OTUD7B: variants seen among roughly 807,000 people sequenced by gnomAD.
OTUD7B encodes OTU deubiquitinase 7B, also known as OTU domain-containing protein 7B.
OTUD7B carries 34 observed loss-of-function variants against 82.2 expected under a neutral mutation model. The observed-to-expected ratio is 0.41, with a 90% CI of 0.31 to 0.55. The LOEUF is 0.55. OTUD7B is among the 20% of genes least tolerant of loss of function. The probability of loss-of-function intolerance (pLI) is 0.20; values close to 1 mark genes in which losing one functional copy is unlikely to be tolerated. For missense variants in OTUD7B, 944 were observed against 1,062.1 expected (o/e 0.89, Z 1.55); for synonymous variants, 398 against 402.7 (o/e 0.99, Z 0.14).
intron 7 of OTUD7B, among the ~76,000 whole-genome samples, chr1:149,954,508 C>T (rs979656449): frequency 2.6e-5 from 4 of 152,042 alleles, no homozygotes; most frequent in African/African-American, 9.7e-5. Flanking sequence ...CTAAAATTCT[C>T]TTTTTTTGTT....
At chr1:150,046,541 G>A in the OTUD7B span, among the ~76,000 whole-genome samples, 4 of 148,912 alleles carry the variant, frequency 2.7e-5, no homozygotes, top group Admixed American at 1.4e-4. Flanking sequence ...TCCACCTCCC[G>A]GGTTCAAGTG....
chr1:149,948,538 A>T (rs1553772628), intron 10 of OTUD7B, among the ~76,000 whole-genome samples: 1 of 150,948 alleles, frequency 6.6e-6, no homozygotes, highest in Non-Finnish European at 1.5e-5. Context: ...CGCCTGGCTA[A>T]TTTTTGTATT....
chr1:150,065,321 C>T, the OTUD7B span, among the ~76,000 whole-genome samples: 1 of 152,138 alleles, frequency 6.6e-6, no homozygotes, highest in Non-Finnish European at 1.5e-5. Flanking sequence ...CGATTGGCCT[C>T]GCCTTGGCCT....
chr1:149,954,611 C>T (rs1391054337), intron 7 of OTUD7B, among the ~76,000 whole-genome samples: 1 of 152,122 alleles, frequency 6.6e-6, no homozygotes, highest in Non-Finnish European at 1.5e-5. Context: ...GGAATAGTTT[C>T]AGAAGGAATG....
Position 149,971,182 on chromosome 1 carries a change from A to G in OTUD7B, c.155T>C (p.Leu52Pro). The part of the protein sequence containing the change: ...EQLRQVHAGN[L>P]PPSFSEGSGG... The stretch of plus-strand genomic sequence containing the variant: ...ACTCCCCTCACTAAAGGATGGGGGT[A>G]GGTTTCCAGCATGGACTTGACGTAG... The change falls in exon 3 of 12, where the codon CTA becomes CCA. Residue 52 changes from leucine (L) to proline (P), a missense_variant. Physicochemically the swap from Leu to Pro is moderately conservative, Grantham distance 98. Coordinates refer to ENST00000581312, the MANE Select transcript of OTUD7B (RefSeq NM_020205.4). 1 of 1,613,570 alleles carries G rather than the reference A, an allele frequency of 6.2e-7. No individual in the cohort carries two copies. Among genetic ancestry groups the G allele is most frequent in the Non-Finnish European group, 8.5e-7 (1 of 1,179,530 alleles).
the OTUD7B span, among the ~76,000 whole-genome samples, chr1:150,021,027 C>T: frequency 4.6e-5 from 7 of 152,184 alleles, no homozygotes; most frequent in African/African-American, 1.4e-4. Context: ...ACTTCTAATA[C>T]GACAAAAGCA....
chr1:150,023,590 A>G, the OTUD7B span, among the ~76,000 whole-genome samples: 1 of 152,242 alleles, frequency 6.6e-6, no homozygotes, highest in Admixed American at 6.5e-5. Context: ...AGTTGAATTC[A>G]TAGACACAGA....
chr1:149,968,846 G>A (rs1186776541), intron 3 of OTUD7B, among the ~76,000 whole-genome samples: 1 of 151,970 alleles, frequency 6.6e-6, no homozygotes, highest in Non-Finnish European at 1.5e-5. Flanking sequence ...GAGTAGCTAG[G>A]ATTACAGGCA....
chr1:150,063,495 G>C, the OTUD7B span, among the ~76,000 whole-genome samples: 2 of 152,136 alleles, frequency 1.3e-5, no homozygotes, highest in Admixed American at 6.6e-5. Context: ...TTGCAATACA[G>C]AAATCCAGTT....
chr1:149,996,555 A>G (rs1174130685), intron 1 of OTUD7B, among the ~76,000 whole-genome samples: 5 of 152,194 alleles, frequency 3.3e-5, no homozygotes, highest in Non-Finnish European at 7.3e-5. Context: ...CCTTGGGTAA[A>G]TTATTTAACG....
At chr1:150,051,718 G>C in the OTUD7B span, among the ~76,000 whole-genome samples, 1 of 152,012 alleles carries the variant, frequency 6.6e-6, no homozygotes, top group African/African-American at 2.4e-5. Flanking sequence ...TCAGCACATA[G>C]TAAAAGCTTA....
chr1:149,985,197 C>CA (rs1651045993), intron 1 of OTUD7B, among the ~76,000 whole-genome samples: 1 of 152,140 alleles, frequency 6.6e-6, no homozygotes, highest in African/African-American at 2.4e-5. Context: ...CACTTAAGGT[C>CA]AAAAGTTCAA....
chr1:149,993,168 G>A (rs1005064516), intron 1 of OTUD7B, among the ~76,000 whole-genome samples: 1 of 152,124 alleles, frequency 6.6e-6, no homozygotes, highest in Non-Finnish European at 1.5e-5. Flanking sequence ...TATACAGCCT[G>A]AAAGCATCAA....
At chr1:150,028,865 T>C in the OTUD7B span, among the ~76,000 whole-genome samples, 13 of 152,218 alleles carry the variant, frequency 8.5e-5, no homozygotes, top group Non-Finnish European at 1.8e-4. Context: ...AGTGAAATCA[T>C]ACATATAGTA....
chr1:150,061,458 C>A, the OTUD7B span, among the ~76,000 whole-genome samples: 1 of 152,034 alleles, frequency 6.6e-6, no homozygotes, highest in South Asian at 2.1e-4. Flanking sequence ...TGTTGACGGA[C>A]ATTTAGGTTG....
chr1:150,056,950 A>G, the OTUD7B span, among the ~76,000 whole-genome samples: 5 of 152,194 alleles, frequency 3.3e-5, no homozygotes, highest in Non-Finnish European at 7.4e-5. Context: ...TAGCTTCAAC[A>G]CATCTCTCCA....
chr1:150,058,566 TAAAA>T, the OTUD7B span, among the ~76,000 whole-genome samples: 1 of 152,028 alleles, frequency 6.6e-6, no homozygotes, highest in African/African-American at 2.4e-5. Context: ...ATTAAATAAA[TAAAA>T]ATACATGATG....
chr1:149,940,359 A>G lies in OTUD7B; in HGVS notation c.*3498T>C, dbSNP rs752494463. 6.6e-6 allele frequency: 1 copy of G among 152,208 alleles called. No individual in the cohort carries two copies. The highest frequency in any genetic ancestry group is 1.5e-5 in the Non-Finnish European group (1 of 68,038). The allele number at this position is 152,208 out of a possible 1,614,324, so 9.4% of individuals were successfully genotyped here. On this transcript the variant is annotated 3_prime_UTR_variant, in exon 12 of 12. Transcript: ENST00000581312. ...TGGATATAATCTTTTTATTTTGTTG[A>G]TAAAAACCAGTATGGAGGAAAAACT...
At chr1:150,022,161 G>A in the OTUD7B span, among the ~76,000 whole-genome samples, 8,557 of 152,068 alleles carry the variant, frequency 0.056, 313 homozygotes, top group Non-Finnish European at 0.088. Flanking sequence ...ACTTTGGAAG[G>A]CTGAGGCAGG....
Sources: gnomAD v4.1 joint callset for allele counts (sites outside exome capture counted in the v4.1 genomes callset) on GRCh38, gnomAD v4.1.1 for gene constraint, MANE v1.5 for transcripts, NCBI Gene and HGNC (gene_info 2026-07-23, HGNC 2026-07-21) for gene names.